PLCG2: variants seen among roughly 807,000 people sequenced by gnomAD.
PLCG2 encodes phospholipase C gamma 2.
Under a neutral mutation model 175.6 loss-of-function variants are expected in PLCG2, and 69 were observed. The ratio of observed to expected loss-of-function variants is 0.39; its 90% CI spans 0.32 to 0.48. The LOEUF is 0.48. PLCG2 is among the 20% of genes least tolerant of loss of function. The pLI is 0.91. For synonymous variants in PLCG2, 827 were observed against 624.0 expected, an observed-to-expected ratio of 1.33 and a Z score of -4.85; for missense variants, 1,798 against 1,650.9, an observed-to-expected ratio of 1.09 and a Z score of -1.54.
At chr16:81,931,170 G>C (rs899236250) in intron 24 of PLCG2, 1 of 178,366 alleles carries the variant, frequency 5.6e-6, no homozygotes, top group African/African-American at 2.4e-5. Context: ...ATACTTGTTG[G>C]ATGTTGGAAT....
intron 1 of PLCG2, among the ~76,000 whole-genome samples, chr16:81,780,762 C>G (rs1160586023): frequency 6.6e-6 from 1 of 152,176 alleles, no homozygotes; most frequent in Non-Finnish European, 1.5e-5. Flanking sequence ...CACGGTGGCT[C>G]ACACCTGTAA....
At chr16:81,957,561 G>A (rs80062355) in intron 32 of PLCG2, among the ~76,000 whole-genome samples, 8,579 of 152,224 alleles carry the variant, frequency 0.056, 386 homozygotes, top group South Asian at 0.1. Context: ...GATGCTTGTG[G>A]TTGTGCTACA....
At chr16:81,906,605 G>A (rs1279929294) in intron 15 of PLCG2, among the ~76,000 whole-genome samples, 1 of 152,188 alleles carries the variant, frequency 6.6e-6, no homozygotes, top group Non-Finnish European at 1.5e-5. Context: ...TGTAGCCTTA[G>A]TAGAGATAGT....
At chr16:81,930,954 T>A (rs919289710) in intron 24 of PLCG2, among the ~76,000 whole-genome samples, 3 of 152,176 alleles carry the variant, frequency 2.0e-5, no homozygotes, top group African/African-American at 7.2e-5. Context: ...TAGTAATTTG[T>A]AAAAAATATT....
At chr16:81,907,078 A>C (rs1307792768) in intron 15 of PLCG2, among the ~76,000 whole-genome samples, 1 of 151,692 alleles carries the variant, frequency 6.6e-6, no homozygotes, top group Non-Finnish European at 1.5e-5. Context: ...CCAACATGGC[A>C]CATGTATACA....
At position 81,748,085 on chromosome 16, in the gene PLCG2, G is replaced by A. The variant is rs146252862; in HGVS notation, c.-144-7785G>A. ...AAACAGGGTGGCCCCATATTGGCCA[G>A]GCTGGTCTTGAACTCCTGACCTCAG... On this transcript the variant is annotated intron_variant, in intron 1 of 5. Coordinates refer to the PLCG2 transcript ENST00000565054. Among the ~76,000 whole-genome samples, 377 of 152,276 alleles carry A rather than the reference G, an allele frequency of 2.5e-3. 3 individuals carry two copies. The highest frequency in any genetic ancestry group is 8.7e-3 in the African/African-American group (363 of 41,566).
chr16:81,882,297 GTAGTGTTCCC>G (rs1477648843), intron 8 of PLCG2, among the ~76,000 whole-genome samples: 7 of 152,152 alleles, frequency 4.6e-5, no homozygotes, highest in African/African-American at 7.2e-5. Flanking sequence ...TATTCGGAGT[GTAGTGTTCCC>G]TAGTGTTCCC....
intron 2 of PLCG2, among the ~76,000 whole-genome samples, chr16:81,828,557 C>T (rs545752272): frequency 5.3e-5 from 8 of 152,156 alleles, no homozygotes; most frequent in African/African-American, 1.9e-4. Context: ...CATTTTTATT[C>T]TGTGCTGTGG....
intron 32 of PLCG2, 123 bp downstream of exon 32, chr16:81,957,002 G>C: frequency 3.2e-6 from 2 of 619,882 alleles, no homozygotes; most frequent in Non-Finnish European, 4.8e-6. Flanking sequence ...CCTTGGCCGG[G>C]CATGGTGGCT....
chr16:81,912,482 G>A (rs1175353399), intron 18 of PLCG2, 115 bp from the exon 19 acceptor site: 31 of 1,290,314 alleles, frequency 2.4e-5, no homozygotes, highest in East Asian at 2.3e-4. Flanking sequence ...TTCCATGGTC[G>A]TTTCCAGGGC....
intron 7 of PLCG2, 95 bp downstream of exon 7, chr16:81,871,030 G>T: frequency 1.6e-6 from 1 of 632,416 alleles, no homozygotes; most frequent in South Asian, 2.0e-5. Context: ...AAGAAGTGTT[G>T]AATCTCCATT....
chr16:81,804,292 C>T (rs1349077003), intron 2 of PLCG2, among the ~76,000 whole-genome samples: 3 of 152,226 alleles, frequency 2.0e-5, no homozygotes, highest in African/African-American at 7.2e-5. Flanking sequence ...TTGCATTTTC[C>T]TGATTGCTCA....
At chr16:81,851,427 G>T (rs575489365) in intron 2 of PLCG2, among the ~76,000 whole-genome samples, 15 of 152,218 alleles carry the variant, frequency 9.9e-5, no homozygotes, top group African/African-American at 3.6e-4. Flanking sequence ...ATCTTGTCAC[G>T]TGTAGGTGGG....
At chr16:81,848,173 C>T (rs938115420) in intron 2 of PLCG2, among the ~76,000 whole-genome samples, 1 of 152,190 alleles carries the variant, frequency 6.6e-6, no homozygotes, top group South Asian at 2.1e-4. Context: ...GAAATAGACC[C>T]ACACAAATAT....
At chr16:81,805,882 C>T (rs987368026) in intron 2 of PLCG2, among the ~76,000 whole-genome samples, 11 of 148,920 alleles carry the variant, frequency 7.4e-5, no homozygotes, top group African/African-American at 2.0e-4. Context: ...TCAAGTGATC[C>T]TCCCAGCTCA....
intron 10 of PLCG2, among the ~76,000 whole-genome samples, chr16:81,891,259 T>C (rs1249559638): frequency 6.6e-6 from 1 of 151,988 alleles, no homozygotes; most frequent in East Asian, 1.9e-4. Context: ...CAAAGGAAAA[T>C]ATTGTCTAGG....
chr16:81,915,907 C>T (rs558385356), intron 19 of PLCG2, among the ~76,000 whole-genome samples: 8 of 152,304 alleles, frequency 5.3e-5, no homozygotes, highest in African/African-American at 1.7e-4. Context: ...AAGGCTAAAG[C>T]CCCCTGTGGT....
intron 2 of PLCG2, among the ~76,000 whole-genome samples, chr16:81,825,089 G>A (rs1384228917): frequency 3.3e-5 from 5 of 152,162 alleles, no homozygotes; most frequent in Admixed American, 1.3e-4. Context: ...ACACAGCCCT[G>A]CTGACTCCTT....
chr16:81,867,134 A>T (rs551487760), intron 5 of PLCG2, among the ~76,000 whole-genome samples: 1 of 152,338 alleles, frequency 6.6e-6, no homozygotes, highest in Non-Finnish European at 1.5e-5. Flanking sequence ...AGGTGGGGAC[A>T]CAGGATGGCC....
Sources: allele counts gnomAD v4.1 joint callset (sites outside exome capture counted in the v4.1 genomes callset), GRCh38; gene constraint gnomAD v4.1.1; transcripts MANE v1.5; gene names NCBI Gene and HGNC (gene_info 2026-07-23, HGNC 2026-07-21).